The following ZNF438 variants were observed in gnomAD, a reference collection of about 807,000 sequenced individuals.
ZNF438 encodes the protein zinc finger protein 438.
A neutral mutation model predicts 38.0 loss-of-function variants in ZNF438; 25 were observed. That is an observed-to-expected ratio of 0.66 (90% CI 0.48 to 0.92). ZNF438 has a LOEUF of 0.92. Ranked by LOEUF, ZNF438 falls within the 40% of genes least tolerant of loss-of-function variation. ZNF438 has a pLI of 0.00. For missense variants in ZNF438, 1,007 were observed against 999.6 expected (o/e 1.01, Z -0.10); for synonymous variants, 372 against 364.1 (o/e 1.02, Z -0.25).
At chr10:30,852,312 G>GA (rs1368225039) in intron 4 of ZNF438, among the ~76,000 whole-genome samples, 1 of 151,450 alleles carries the variant, frequency 6.6e-6, no homozygotes, top group Non-Finnish European at 1.5e-5. Flanking sequence ...GGGTTCAAGT[G>GA]ATTCTCCTGC....
At chr10:30,999,837 A>T (rs1240238687) in intron 1 of ZNF438, among the ~76,000 whole-genome samples, 1 of 152,160 alleles carries the variant, frequency 6.6e-6, no homozygotes, top group East Asian at 1.9e-4. Context: ...CTCAATTTAC[A>T]CCTAGAGATT....
chr10:30,941,212 C>A (rs1195972065), intron 2 of ZNF438, among the ~76,000 whole-genome samples: 1 of 152,124 alleles, frequency 6.6e-6, no homozygotes, highest in African/African-American at 2.4e-5. Context: ...GCTGGGACTA[C>A]AGGCGCCTGC....
chr10:30,913,304 T>C (rs2043265616), intron 2 of ZNF438, among the ~76,000 whole-genome samples: 1 of 152,042 alleles, frequency 6.6e-6, no homozygotes, highest in Non-Finnish European at 1.5e-5. Flanking sequence ...TTTCATACCA[T>C]ATATTCCCTT....
intron 2 of ZNF438, among the ~76,000 whole-genome samples, chr10:30,926,652 TG>T (rs1589232505): frequency 7.1e-6 from 1 of 141,152 alleles, no homozygotes; most frequent in Non-Finnish European, 1.5e-5. Flanking sequence ...AGCGACAGGG[TG>T]GAAAAAAAAA....
chr10:30,928,581 A>C (rs1056495409), intron 2 of ZNF438, among the ~76,000 whole-genome samples: 1 of 151,730 alleles, frequency 6.6e-6, no homozygotes, highest in African/African-American at 2.4e-5. Context: ...AAAAGCAAAC[A>C]TTCTGCAAAC....
chr10:30,976,782 T>A (rs1328448785), intron 1 of ZNF438, among the ~76,000 whole-genome samples: 1 of 149,824 alleles, frequency 6.7e-6, no homozygotes, highest in Admixed American at 6.6e-5. Context: ...ATAAAAGGTA[T>A]AATCCTCAAT....
chr10:30,934,558 G>C (rs1241798664), intron 2 of ZNF438, among the ~76,000 whole-genome samples: 1 of 152,058 alleles, frequency 6.6e-6, no homozygotes, highest in Non-Finnish European at 1.5e-5. Context: ...TCACCATATT[G>C]TAACCTATAA....
rs79745630 is a variant in ZNF438 at position 31,000,479 on chromosome 10, C to T, written c.-192+31354G>A. 9.6e-4 allele frequency among the ~76,000 whole-genome samples: 146 copies of T among 152,324 alleles called. 1 individual carries two copies. In the East Asian group the frequency reaches 0.025, roughly 26 times the overall value. ...CCTTTTTCTCTCTACCCCCACAAAA[C>T]TCTGATACCAAGTCTACATAGGCAA... On this transcript the variant is annotated intron_variant, in intron 1 of 5. Coordinates refer to ENST00000413025, the Ensembl canonical transcript of ZNF438.
intron 1 of ZNF438, among the ~76,000 whole-genome samples, chr10:30,993,373 T>C (rs995237743): frequency 2.0e-5 from 3 of 152,330 alleles, no homozygotes; most frequent in Admixed American, 1.3e-4. Flanking sequence ...CTCTGCTCCC[T>C]GCACCCCACA....
At chr10:30,902,292 CCT>C (rs1304845308) in intron 3 of ZNF438, among the ~76,000 whole-genome samples, 3 of 152,192 alleles carry the variant, frequency 2.0e-5, no homozygotes, top group Non-Finnish European at 4.4e-5. Context: ...GTTTACAATC[CCT>C]GAGCTAGACA....
intron 1 of ZNF438, among the ~76,000 whole-genome samples, chr10:30,993,335 C>A (rs926185850): frequency 1.3e-5 from 2 of 152,184 alleles, no homozygotes; most frequent in Non-Finnish European, 2.9e-5. Context: ...GCATTCTGCA[C>A]AGCCCGCTGT....
intron 4 of ZNF438, among the ~76,000 whole-genome samples, chr10:30,872,767 AGAATTGACTCCAGT>A: frequency 6.6e-6 from 1 of 151,356 alleles, no homozygotes; most frequent in East Asian, 1.9e-4. Flanking sequence ...AAAAAAAAAA[AGAATTGACTCCAGT>A]AAAACAGACT....
intron 1 of ZNF438, among the ~76,000 whole-genome samples, chr10:30,947,712 G>A (rs533913694): frequency 6.6e-6 from 1 of 152,348 alleles, no homozygotes; most frequent in South Asian, 2.1e-4. Context: ...GCCAGGTGTG[G>A]GATATAATCT....
At chr10:30,973,427 G>T (rs2050966864) in intron 1 of ZNF438, among the ~76,000 whole-genome samples, 1 of 152,190 alleles carries the variant, frequency 6.6e-6, no homozygotes, top group Non-Finnish European at 1.5e-5. Context: ...CCAAGTTCCT[G>T]AGGGCAGACT....
At chr10:31,001,776 T>A (rs1261465246) in intron 1 of ZNF438, among the ~76,000 whole-genome samples, 4 of 152,122 alleles carry the variant, frequency 2.6e-5, no homozygotes, top group African/African-American at 9.7e-5. Flanking sequence ...TTCACCAAAA[T>A]CCAATAATTT....
At chr10:30,887,175 C>A (rs2040059815) in intron 3 of ZNF438, among the ~76,000 whole-genome samples, 1 of 152,172 alleles carries the variant, frequency 6.6e-6, no homozygotes, top group Non-Finnish European at 1.5e-5. Context: ...ACCTTATAGG[C>A]CAGGGACCAC....
At chr10:31,022,401 A>T (rs898110258) in intron 1 of ZNF438, among the ~76,000 whole-genome samples, 1 of 152,128 alleles carries the variant, frequency 6.6e-6, no homozygotes, top group African/African-American at 2.4e-5. Context: ...AGCTGGAACT[A>T]CAGGTGCACA....
At chr10:31,020,722 A>AC (rs1158987372) in intron 1 of ZNF438, among the ~76,000 whole-genome samples, 12 of 126,020 alleles carry the variant, frequency 9.5e-5, no homozygotes, top group Non-Finnish European at 1.9e-4. Context: ...CTTTTAGTAA[A>AC]CAACAGCTCT....
exon 6 of ZNF438, chr10:30,844,693 A>G (rs1188160065): frequency 2.8e-6 from 1 of 360,800 alleles, no homozygotes; most frequent in South Asian, 4.8e-5. Context: ...CAATCTTCAA[A>G]TTTTGATCTT....
Sources: allele counts gnomAD v4.1 joint callset (sites outside exome capture counted in the v4.1 genomes callset), GRCh38; gene constraint gnomAD v4.1.1; transcripts MANE v1.5; gene names NCBI Gene and HGNC (gene_info 2026-07-23, HGNC 2026-07-21).